OTOGL: variants seen among roughly 807,000 people sequenced by gnomAD.
The protein encoded by OTOGL is otogelin-like protein.
In OTOGL, 285 loss-of-function variants were observed where a neutral mutation model predicts 318.5. That is an observed-to-expected ratio of 0.89 (90% CI 0.81 to 0.99). The LOEUF is 0.99. OTOGL is among the 50% of genes least tolerant of loss of function. The pLI is 0.00. For synonymous variants in OTOGL, 987 were observed against 936.5 expected (o/e 1.05, Z -0.99); for missense variants, 2,899 against 2,845.6 (o/e 1.02, Z -0.43).
At position 80,372,046 on chromosome 12, in the gene OTOGL, G is replaced by A. The variant is rs762851871; in HGVS notation, c.6763G>A (p.Glu2255Lys). 1.3e-6 allele frequency: 2 copies of A among 1,554,856 alleles called. No individual in the cohort carries two copies. Among genetic ancestry groups the A allele is most frequent in the Admixed American group, 3.8e-5 (2 of 53,132 alleles). ...TGAAGGGATTGTGAAGCTTTATAAT[G>A]AAGGCTGTTGCAAGATCTGTAAGTG... ...MNEGIVKLYNEGCCKICKREE... is the reference protein window; with the variant it reads ...MNEGIVKLYNKGCCKICKREE... Residue 2255 changes from glutamate to lysine, a missense_variant, in exon 57 of 59, where the codon GAA (glutamate) becomes AAA (lysine). Physicochemically the swap from Glu to Lys is moderately conservative, Grantham distance 56. Around this residue, in one of 3 missense-constraint regions of OTOGL, gnomAD observed 289 missense variants for 304.6 expected, o/e 0.95. Transcript: ENST00000547103.
rs201396072 is a variant in OTOGL at position 80,355,224 on chromosome 12, C to T, written c.5594-512C>T. Among the ~76,000 whole-genome samples, 67 of 65,622 alleles carry T rather than the reference C, an allele frequency of 1.0e-3. 9 individuals carry two copies. The highest frequency in any genetic ancestry group is 0.022 in the Middle Eastern group (2 of 92). 43.1% of individuals were successfully genotyped at this position (65,622 alleles called of 152,430 possible). A position where few individuals can be genotyped will look rare whatever the true frequency, so the allele number is the denominator to read the frequency against. On this transcript the variant is annotated intron_variant, in intron 46 of 58. Coordinates refer to ENST00000547103, the MANE Select transcript of OTOGL (RefSeq NM_001378609.3). ...ACTTTTTTCTTTTCTTTCTTTCTTT[C>T]TTTTCTTTTTTTTTTTTTTTTTTTG... is the stretch of plus-strand genomic sequence containing the variant.
At chr12:80,204,525 A>G (rs1876679977) in intron 1 of OTOGL, among the ~76,000 whole-genome samples, 1 of 152,182 alleles carries the variant, frequency 6.6e-6, no homozygotes, top group South Asian at 2.1e-4. Context: ...TAAGTAAGCT[A>G]AGTAAGTTGT....
chr12:80,145,507 G>T (rs1565877389), intron 1 of OTOGL, among the ~76,000 whole-genome samples: 7 of 151,940 alleles, frequency 4.6e-5, no homozygotes, highest in Admixed American at 3.9e-4. Context: ...CTCCAGCTTT[G>T]TTCTTTTGGC....
chr12:80,336,029 T>A lies in OTOGL; in HGVS notation c.4489T>A (p.Tyr1497Asn). The change falls in exon 39 of 59, where the codon TAC (tyrosine) becomes AAC (asparagine). Residue 1497 changes from tyrosine (Y) to asparagine (N), a missense_variant. This residue lies in a region of OTOGL where 2,607 missense variants were observed against 2,524.9 expected (regional missense o/e 1.03). Transcript: ENST00000547103. ...YICLNMEWQL[Y>N]NWSLNCPKDV... Reference sequence around the variant, plus strand: ...ATGCCTTAATATGGAATGGCAGTTATACAACTGGTCCCTTAATTGCCCAAA... The same window carrying A: ...ATGCCTTAATATGGAATGGCAGTTAAACAACTGGTCCCTTAATTGCCCAAA... 1 of 1,598,780 alleles carries A rather than the reference T, an allele frequency of 6.3e-7. No homozygotes were observed. The highest frequency in any genetic ancestry group is 1.1e-5 in the South Asian group (1 of 91,042).
chr12:80,202,307 G>C (rs1025439766), intron 1 of OTOGL, among the ~76,000 whole-genome samples: 1 of 135,942 alleles, frequency 7.4e-6, no homozygotes, highest in African/African-American at 2.8e-5. Context: ...GTCTCACTCT[G>C]TTGCCCAGGC....
intron 27 of OTOGL, among the ~76,000 whole-genome samples, chr12:80,299,046 G>A (rs944865209): frequency 3.3e-5 from 5 of 151,980 alleles, no homozygotes; most frequent in African/African-American, 1.2e-4. Context: ...CTGGTTTCTG[G>A]GCCCTACTTC....
chr12:80,106,888 T>C (rs1041955999), intron 1 of OTOGL, among the ~76,000 whole-genome samples: 2 of 151,826 alleles, frequency 1.3e-5, no homozygotes, highest in African/African-American at 4.9e-5. Flanking sequence ...AAATTAGTAC[T>C]ATGTTTTTGA....
chr12:80,145,875 A>G (rs1457206542), intron 1 of OTOGL, among the ~76,000 whole-genome samples: 1 of 151,698 alleles, frequency 6.6e-6, no homozygotes, highest in East Asian at 1.9e-4. Flanking sequence ...TTGTTGGTGT[A>G]TAAGAATGCT....
At chr12:80,208,502 C>T (rs1296126270) in intron 1 of OTOGL, among the ~76,000 whole-genome samples, 4 of 152,154 alleles carry the variant, frequency 2.6e-5, no homozygotes, top group African/African-American at 9.7e-5. Context: ...ATGGGATCTG[C>T]TGTAGAAATG....
chr12:80,282,256 T>C (rs1884288188), intron 26 of OTOGL, among the ~76,000 whole-genome samples: 1 of 152,006 alleles, frequency 6.6e-6, no homozygotes, highest in South Asian at 2.1e-4. Context: ...TTTATATTAT[T>C]AGAGGTTTGT....
At chr12:80,286,713 G>A (rs1374804091) in intron 26 of OTOGL, among the ~76,000 whole-genome samples, 1 of 152,016 alleles carries the variant, frequency 6.6e-6, no homozygotes, top group Non-Finnish European at 1.5e-5. Flanking sequence ...GTGATCAGTG[G>A]TGATCTCCCC....
Position 80,352,308 on chromosome 12 carries a change from A to T in OTOGL, c.5279A>T (p.Asp1760Val). The T allele has an allele frequency of 6.2e-7, 1 of 1,607,864 alleles. No homozygotes were observed. The highest frequency in any genetic ancestry group is 1.7e-4 in the Middle Eastern group (1 of 6,026). ...ATGTTTCTCTAGGTTTCACCGGAAG[A>T]CTTTTGTGAAAAGATGTGGATCAAT... ...IPCHDKVSPE[D>V]FCEKMWINYT... is the part of the protein sequence containing the mutation. The change falls in exon 45 of 59, where the codon GAC becomes GTC. Residue 1760 changes from aspartate (D) to valine (V), a missense_variant. Asp to Val is a radical substitution (Grantham distance 152, BLOSUM62 -3). Transcript: ENST00000547103.
chr12:80,174,192 A>AC (rs1874383426), intron 1 of OTOGL, among the ~76,000 whole-genome samples: 2 of 152,174 alleles, frequency 1.3e-5, no homozygotes, highest in South Asian at 4.1e-4. Context: ...TTTTTACATT[A>AC]CCCATCCCTC....
rs1282046605 is a variant in OTOGL at position 80,205,853 on chromosome 12, T to G, written c.-19-3560T>G. On this transcript the variant is annotated intron_variant, in intron 1 of 58. Coordinates refer to ENST00000547103, the MANE Select transcript of OTOGL (RefSeq NM_001378609.3). ...TTAACTTTCCTCAAAAATGATGAGCTTCATTACAAATATCCCATTATTATC... is the reference window on the plus strand; with the variant it reads ...TTAACTTTCCTCAAAAATGATGAGCGTCATTACAAATATCCCATTATTATC... Among the ~76,000 whole-genome samples, 3 of 152,312 alleles carry G rather than the reference T, an allele frequency of 2.0e-5. No individual in the cohort carries two copies. In the South Asian group the frequency reaches 6.2e-4, roughly 32 times the overall value.
At chr12:80,247,014 C>T (rs1162302071) in intron 11 of OTOGL, among the ~76,000 whole-genome samples, 9 of 77,490 alleles carry the variant, frequency 1.2e-4, no homozygotes, top group Non-Finnish European at 2.2e-4. Context: ...GTGATATCCC[C>T]TTTATCATTT....
At chr12:80,132,905 C>A (rs1488805339) in intron 1 of OTOGL, 1 of 152,128 alleles carries the variant, frequency 6.6e-6, no homozygotes, top group African/African-American at 2.4e-5. Flanking sequence ...TGAATGTCTT[C>A]CCCCATTTTC....
intron 52 of OTOGL, among the ~76,000 whole-genome samples, chr12:80,365,414 A>G (rs1890469705): frequency 6.6e-6 from 1 of 152,110 alleles, no homozygotes; most frequent in Non-Finnish European, 1.5e-5. Context: ...GAATACGTGG[A>G]TAAGATCTGA....
chr12:80,103,535 A>G (rs1869271132), intron 1 of OTOGL, among the ~76,000 whole-genome samples: 1 of 152,178 alleles, frequency 6.6e-6, no homozygotes, highest in Admixed American at 6.5e-5. Flanking sequence ...GATCTGTTAT[A>G]TATTCAAATC....
chr12:80,303,948 C>T (rs1261484915), intron 28 of OTOGL, among the ~76,000 whole-genome samples: 1 of 152,202 alleles, frequency 6.6e-6, no homozygotes, highest in African/African-American at 2.4e-5. Flanking sequence ...ACCTGTCAAC[C>T]TCCAAATATA....
Sources: gnomAD v4.1 joint callset for allele counts (sites outside exome capture counted in the v4.1 genomes callset) on GRCh38, gnomAD v4.1.1 for gene constraint, gnomAD v4.1.1 regional missense constraint, MANE v1.5 for transcripts, NCBI Gene and HGNC (gene_info 2026-07-23, HGNC 2026-07-21) for gene names.